EFCAB13: variants seen among roughly 807,000 people sequenced by gnomAD.
EFCAB13 encodes the protein EF-hand calcium-binding domain-containing protein 13.
A neutral mutation model predicts 110.2 loss-of-function variants in EFCAB13; 91 were observed. The ratio of observed to expected loss-of-function variants is 0.83; its 90% CI spans 0.70 to 0.98. The LOEUF is 0.98. Ranked by LOEUF, EFCAB13 falls within the 50% of genes least tolerant of loss-of-function variation. The probability of loss-of-function intolerance (pLI) is 0.00; values close to 1 mark genes in which losing one functional copy is unlikely to be tolerated. For synonymous variants in EFCAB13, 323 were observed against 369.9 expected (o/e 0.87, Z 1.45); for missense variants, 968 against 1,119.4 (o/e 0.86, Z 1.93).
intron 14 of EFCAB13, among the ~76,000 whole-genome samples, chr17:47,384,669 C>G (rs913224066): frequency 6.6e-6 from 1 of 152,008 alleles, no homozygotes; most frequent in African/African-American, 2.4e-5. Context: ...AATATTGGCC[C>G]CCACTCTCTT....
At chr17:47,440,119 T>C (rs878923805) in intron 24 of EFCAB13, among the ~76,000 whole-genome samples, 2 of 152,266 alleles carry the variant, frequency 1.3e-5, no homozygotes, top group Admixed American at 1.3e-4. Context: ...ATCAATTTTT[T>C]TAAAGAGGAA....
Position 47,395,942 on chromosome 17 carries a change from A to C in EFCAB13, c.1910A>C (p.Glu637Ala), listed in dbSNP as rs771770442. The change falls in exon 17 of 25, where the codon GAA becomes GCA. Residue 637 changes from glutamate to alanine, a missense_variant. Physicochemically the swap from Glu to Ala is moderately radical, Grantham distance 107. Coordinates refer to ENST00000331493, the MANE Select transcript of EFCAB13 (RefSeq NM_152347.5). The part of the protein sequence containing the change: ...SSLNSNLKKD[E>A]FLAALELVTV... Reference sequence around the variant, plus strand: ...TTGAATAGTAATTTAAAAAAGGATGAATTTCTAGCTGCATTGGAACTAGTG... The same window carrying C: ...TTGAATAGTAATTTAAAAAAGGATGCATTTCTAGCTGCATTGGAACTAGTG... 1 of 1,608,928 alleles carries C rather than the reference A, an allele frequency of 6.2e-7. No individual in the cohort carries two copies. The highest frequency in any genetic ancestry group is 8.5e-7 in the Non-Finnish European group (1 of 1,176,690).
intron 9 of EFCAB13, among the ~76,000 whole-genome samples, chr17:47,355,605 G>T (rs539572985): frequency 2.2e-4 from 29 of 132,750 alleles, no homozygotes; most frequent in African/African-American, 8.4e-4. Flanking sequence ...ACAGAGTCTC[G>T]CTCTGTCACC....
chr17:47,325,905 TTA>T (rs927345842), intron 2 of EFCAB13, among the ~76,000 whole-genome samples: 14 of 128,158 alleles, frequency 1.1e-4, no homozygotes, highest in African/African-American at 3.9e-4. Context: ...AGGGCAGATT[TTA>T]TATATATATA....
chr17:47,338,558 G>GTT (rs60680626), intron 5 of EFCAB13, among the ~76,000 whole-genome samples: 13,148 of 148,122 alleles, frequency 0.089, 829 homozygotes, highest in East Asian at 0.35. Flanking sequence ...TTTACTACTA[G>GTT]TTTTTTTTTT....
intron 11 of EFCAB13, among the ~76,000 whole-genome samples, chr17:47,372,510 T>G (rs954939067): frequency 1.3e-5 from 2 of 152,244 alleles, no homozygotes; most frequent in African/African-American, 4.8e-5. Flanking sequence ...TAGTGTATTC[T>G]GACTTTGACT....
At chr17:47,400,251 C>T (rs1013399447) in intron 17 of EFCAB13, among the ~76,000 whole-genome samples, 3 of 152,168 alleles carry the variant, frequency 2.0e-5, no homozygotes, top group African/African-American at 7.2e-5. Flanking sequence ...ATCTTTGTTT[C>T]AGGCTCTAAC....
intron 9 of EFCAB13, among the ~76,000 whole-genome samples, chr17:47,360,183 T>C (rs1313305861): frequency 6.6e-6 from 1 of 152,156 alleles, no homozygotes; most frequent in Non-Finnish European, 1.5e-5. Flanking sequence ...TAGTTCTAGA[T>C]CCCTGAGGAA....
At chr17:47,384,481 T>G (rs1415993636) in intron 14 of EFCAB13, among the ~76,000 whole-genome samples, 1 of 151,776 alleles carries the variant, frequency 6.6e-6, no homozygotes, top group African/African-American at 2.4e-5. Context: ...ATTAAGAAAG[T>G]TTTTCCCTTC....
chr17:47,402,514 T>C (rs948784297), intron 18 of EFCAB13, among the ~76,000 whole-genome samples: 3 of 152,220 alleles, frequency 2.0e-5, no homozygotes, highest in African/African-American at 7.2e-5. Flanking sequence ...TATCTACACA[T>C]GTAATTTTAA....
Position 47,440,618 on chromosome 17 carries a change from C to T in EFCAB13, c.2826C>T (p.Tyr942=). ...AAGCACAGGTAAGTAAGAAGCAATA[C>T]AATATGAATATAAAACAACACAAGA... ...IVKAQVSKKQ[Y]NMNIKQHKIS... Residue 942 remains tyrosine (Y), a synonymous_variant, in exon 25 of 25, where the codon TAC becomes TAT. Coordinates refer to ENST00000331493, the MANE Select transcript of EFCAB13 (RefSeq NM_152347.5). 1 of 1,611,906 alleles carries T rather than the reference C, an allele frequency of 6.2e-7. No homozygotes were observed. The highest frequency in any genetic ancestry group is 8.5e-7 in the Non-Finnish European group (1 of 1,179,150).
intron 9 of EFCAB13, among the ~76,000 whole-genome samples, chr17:47,349,290 A>G (rs1338211803): frequency 1.3e-5 from 2 of 152,222 alleles, no homozygotes; most frequent in Non-Finnish European, 2.9e-5. Flanking sequence ...TTCGTGACAT[A>G]GATAACATCA....
chr17:47,381,167 G>T (rs1165354999), intron 14 of EFCAB13, among the ~76,000 whole-genome samples: 1 of 151,970 alleles, frequency 6.6e-6, no homozygotes, highest in South Asian at 2.1e-4. Flanking sequence ...CTTTTGAGAA[G>T]CGTCTGTTCA....
intron 4 of EFCAB13, among the ~76,000 whole-genome samples, chr17:47,332,189 T>C (rs1325054516): frequency 6.6e-6 from 1 of 152,172 alleles, no homozygotes; most frequent in Non-Finnish European, 1.5e-5. Flanking sequence ...CCATCAGCAA[T>C]GATGAGAGTT....
intron 24 of EFCAB13, among the ~76,000 whole-genome samples, chr17:47,437,801 A>G (rs1912486): frequency 0.63 from 96,119 of 151,976 alleles, 30,817 homozygotes; most frequent in African/African-American, 0.71. Flanking sequence ...CATTCATCAT[A>G]TTCTTTGTTG....
intron 23 of EFCAB13, among the ~76,000 whole-genome samples, chr17:47,419,840 A>G (rs1472001605): frequency 6.6e-6 from 1 of 152,200 alleles, no homozygotes; most frequent in Non-Finnish European, 1.5e-5. Context: ...ATATTAAAGT[A>G]TGTTTTAAAA....
intron 9 of EFCAB13, among the ~76,000 whole-genome samples, chr17:47,358,184 A>G (rs947274448): frequency 6.6e-6 from 1 of 152,178 alleles, no homozygotes; most frequent in African/African-American, 2.4e-5. Flanking sequence ...ATATGCACAT[A>G]CATACATATA....
At chr17:47,384,146 T>TTTTTTTTTTTG (rs2065662655) in intron 14 of EFCAB13, among the ~76,000 whole-genome samples, 2 of 114,382 alleles carry the variant, frequency 1.7e-5, no homozygotes, top group Non-Finnish European at 2.0e-5. Flanking sequence ...CAACCCCCAG[T>TTTTTTTTTTTG]TTTTTTTTTT....
chr17:47,399,931 G>T (rs2065770068), intron 17 of EFCAB13, among the ~76,000 whole-genome samples: 1 of 152,174 alleles, frequency 6.6e-6, no homozygotes, highest in Non-Finnish European at 1.5e-5. Flanking sequence ...GCAAAAATGT[G>T]TAAGAGGGTA....
Sources: allele counts gnomAD v4.1 joint callset (sites outside exome capture counted in the v4.1 genomes callset), GRCh38; gene constraint gnomAD v4.1.1; transcripts MANE v1.5; gene names NCBI Gene and HGNC (gene_info 2026-07-23, HGNC 2026-07-21).